PLET1: variants seen among roughly 807,000 people sequenced by gnomAD.
PLET1 encodes the protein placenta-expressed transcript 1 protein.
PLET1 carries 20 observed loss-of-function variants against 18.5 expected under a neutral mutation model. The observed-to-expected ratio is 1.08, with a 90% CI of 0.76 to 1.57. The LOEUF is 1.57. Ranked by LOEUF, PLET1 falls within the 40% of genes most tolerant of loss-of-function variation. PLET1 has a pLI of 0.00. For missense variants in PLET1, 256 were observed against 246.4 expected (o/e 1.04, Z -0.26); for synonymous variants, 93 against 93.8 (o/e 0.99, Z 0.05).
chr11:112,251,312 G>T (rs984000496), intron 3 of PLET1, among the ~76,000 whole-genome samples: 3 of 151,920 alleles, frequency 2.0e-5, no homozygotes, highest in Admixed American at 6.6e-5. Flanking sequence ...GGCTGGGCGT[G>T]GTGGCTCACG....
chr11:112,252,823 C>T (rs955533626), intron 2 of PLET1, among the ~76,000 whole-genome samples: 2 of 152,218 alleles, frequency 1.3e-5, no homozygotes, highest in Non-Finnish European at 2.9e-5. Context: ...CTAGGAGCCT[C>T]TGTCCCCATG....
chr11:112,250,481 A>G (rs1049698685), intron 3 of PLET1, among the ~76,000 whole-genome samples: 1 of 152,262 alleles, frequency 6.6e-6, no homozygotes, highest in Non-Finnish European at 1.5e-5. Context: ...CAAGATAATT[A>G]TAGTTACGCT....
In PLET1 at chr11:112,248,232, TG is replaced by T. The variant is rs1188722351; in HGVS notation, c.*566del. ...TTTATAACATAGTTTTTTTCTATAT[TG>T]GCTTCTCAGACATGGTTCGTTCCTG... is the stretch of plus-strand genomic sequence containing the variant. On this transcript the variant is annotated 3_prime_UTR_variant, in exon 4 of 4. Transcript: ENST00000338832. Among the ~76,000 whole-genome samples, 1 of 152,234 alleles carries T rather than the reference TG, an allele frequency of 6.6e-6. No homozygotes were observed. The highest frequency in any genetic ancestry group is 1.5e-5 in the Non-Finnish European group (1 of 68,040).
intron 1 of PLET1, among the ~76,000 whole-genome samples, chr11:112,257,594 C>G (rs1326632571): frequency 6.6e-6 from 1 of 151,952 alleles, no homozygotes; most frequent in South Asian, 2.1e-4. Context: ...AATCACATCC[C>G]TCTTGCCCAT....
intron 3 of PLET1, among the ~76,000 whole-genome samples, chr11:112,250,701 A>G (rs1860147007): frequency 6.6e-6 from 1 of 152,166 alleles, no homozygotes; most frequent in Admixed American, 6.6e-5. Context: ...AGTAGCTTTC[A>G]GTAAACTATC....
Position 112,254,521 on chromosome 11 carries a change from T to G in PLET1, c.386+867A>C, listed in dbSNP as rs531217828. ...GCATGAGTGTGTGTGGTGTGTGTGG[T>G]ATGTATGTGTGTGGTATGTGTGTGT... On this transcript the variant is annotated intron_variant, in intron 2 of 3. Coordinates refer to ENST00000338832, the MANE Select transcript of PLET1 (RefSeq NM_001145024.1). Among the ~76,000 whole-genome samples, 1,335 of 134,282 alleles carry G rather than the reference T, an allele frequency of 9.9e-3. 9 individuals carry two copies. Among genetic ancestry groups the G allele is most frequent in the Middle Eastern group, 0.04 (8 of 202 alleles). 88.1% of individuals were successfully genotyped at this position (134,282 alleles called of 152,430 possible). A position where few individuals can be genotyped will look rare whatever the true frequency, so the allele number is the denominator to read the frequency against.
At chr11:112,258,083 A>C (rs1341271528) in intron 1 of PLET1, among the ~76,000 whole-genome samples, 1 of 152,134 alleles carries the variant, frequency 6.6e-6, no homozygotes, top group Admixed American at 6.5e-5. Context: ...GGTACATGGC[A>C]TAAGTAGGCA....
rs1252524927 is a variant in PLET1, at chr11:112,248,370, C to T, written c.*429G>A. On this transcript the variant is annotated 3_prime_UTR_variant, in exon 4 of 4. Transcript: ENST00000338832. ...TTGAGTCACATGAGTCACAGAAGTTCCTTGTAACCTGAATGGGTTTGGTTA... is the reference window on the plus strand; with the variant it reads ...TTGAGTCACATGAGTCACAGAAGTTTCTTGTAACCTGAATGGGTTTGGTTA... 9 of 387,462 alleles carry T rather than the reference C, an allele frequency of 2.3e-5. No homozygotes were observed. Among genetic ancestry groups the T allele is most frequent in the Non-Finnish European group, 4.1e-5 (9 of 219,894 alleles). 24.0% of individuals were successfully genotyped at this position (387,462 alleles called of 1,614,324 possible).
At chr11:112,251,310 G>A (rs1005672850) in intron 3 of PLET1, among the ~76,000 whole-genome samples, 4 of 151,472 alleles carry the variant, frequency 2.6e-5, no homozygotes, top group Non-Finnish European at 4.4e-5. Context: ...TAGGCTGGGC[G>A]TGGTGGCTCA....
intron 1 of PLET1, among the ~76,000 whole-genome samples, chr11:112,258,667 T>G (rs1330005059): frequency 8.5e-5 from 13 of 152,228 alleles, no homozygotes; most frequent in Non-Finnish European, 1.8e-4. Context: ...TCGTGATCTC[T>G]TTTGCAGTGG....
intron 1 of PLET1, among the ~76,000 whole-genome samples, chr11:112,259,944 A>T (rs1329681876): frequency 6.6e-6 from 1 of 152,170 alleles, no homozygotes; most frequent in African/African-American, 2.4e-5. Context: ...AGGCTGAGGT[A>T]CAAGAATTGC....
At position 112,248,674 on chromosome 11, in the gene PLET1, C is replaced by G; in HGVS notation, c.*125G>C. On this transcript the variant is annotated 3_prime_UTR_variant, in exon 4 of 4. Coordinates refer to ENST00000338832, the MANE Select transcript of PLET1 (RefSeq NM_001145024.1). ...TCTTTGTTTTGGTCTGAAGCCGTGG[C>G]AGCAAAGTTGCACATTTGAGAATGT... 1 of 1,147,706 alleles carries G rather than the reference C, an allele frequency of 8.7e-7. No homozygotes were observed. Among genetic ancestry groups the G allele is most frequent in the South Asian group, 1.6e-5 (1 of 62,676 alleles). 71.1% of individuals were successfully genotyped at this position (1,147,706 alleles called of 1,614,324 possible).
rs201634866 is a variant in PLET1, at chr11:112,255,562, T to C, written c.212A>G (p.Tyr71Cys). 5.2e-6 allele frequency: 8 copies of C among 1,551,348 alleles called. No homozygotes were observed. Among genetic ancestry groups the C allele is most frequent in the Middle Eastern group, 3.4e-4 (2 of 5,854 alleles). ...SVFVPVNDSV[Y>C]AVVMKTLDEN... The stretch of plus-strand genomic sequence containing the variant: ...GTCCAAGGTTTTCATGACCACAGCA[T>C]AGACGCTGTCATTCACGGGAACAAA... The change falls in exon 2 of 4, where the codon TAT becomes TGT. Residue 71 changes from tyrosine (Y) to cysteine (C), a missense_variant. Transcript: ENST00000338832.
intron 2 of PLET1, among the ~76,000 whole-genome samples, chr11:112,252,771 A>C (rs938582162): frequency 2.6e-5 from 4 of 151,974 alleles, no homozygotes; most frequent in African/African-American, 9.7e-5. Context: ...GTTTCTCCCT[A>C]TTGTCACTAA....
intron 1 of PLET1, among the ~76,000 whole-genome samples, chr11:112,257,205 C>CCTTT (rs1860232736): frequency 6.6e-6 from 1 of 152,170 alleles, no homozygotes; most frequent in East Asian, 1.9e-4. Flanking sequence ...GGGCAGCCAG[C>CCTTT]CTTTCCCTTT....
chr11:112,260,181 G>A, intron 1 of PLET1: 1 of 490,918 alleles, frequency 2.0e-6, no homozygotes, highest in Non-Finnish European at 3.6e-6. Flanking sequence ...TCTGGGGTTG[G>A]GGCTTTCTCG....
Position 112,255,523 on chromosome 11 carries a change from G to A in PLET1, c.251C>T (p.Ser84Leu). The A allele has an allele frequency of 6.4e-7, 1 of 1,551,664 alleles. No individual in the cohort carries two copies. Among genetic ancestry groups the A allele is most frequent in the Non-Finnish European group, 8.7e-7 (1 of 1,146,882 alleles). The stretch of plus-strand genomic sequence containing the variant: ...ATCCGCTCTTTGCCAGAGGCCCGCT[G>A]AGTCACTGTTCTCGTCCAAGGTTTT... Reference protein sequence around the residue: ...VMKTLDENSDSAGLWQRADKN... With the variant: ...VMKTLDENSDLAGLWQRADKN... The change falls in exon 2 of 4, where the codon TCA becomes TTA. Residue 84 changes from serine to leucine, a missense_variant. Coordinates refer to ENST00000338832, the MANE Select transcript of PLET1 (RefSeq NM_001145024.1).
At chr11:112,255,365 A>G in intron 2 of PLET1, 23 bp downstream of exon 2, 1 of 1,551,024 alleles carries the variant, frequency 6.4e-7, no homozygotes. Flanking sequence ...TAAAGCCCAA[A>G]GCAAAGCAAG....
rs1374394838 is a variant in PLET1, at chr11:112,260,389, G to A, written c.184+17C>T. 9 of 1,545,018 alleles carry A rather than the reference G, an allele frequency of 5.8e-6. No homozygotes were observed. Among genetic ancestry groups the A allele is most frequent in the South Asian group, 3.6e-5 (3 of 83,544 alleles). On this transcript the variant is annotated intron_variant, in intron 1 of 3. Transcript: ENST00000338832. ...CTCAGGGAACAAAGGACAGCAGAGA[G>A]CATGGCTTCTACTCACCAGAATAGA... is the stretch of plus-strand genomic sequence containing the variant.
Sources: allele counts gnomAD v4.1 joint callset (sites outside exome capture counted in the v4.1 genomes callset), GRCh38; gene constraint gnomAD v4.1.1; transcripts MANE v1.5; gene names NCBI Gene and HGNC (gene_info 2026-07-23, HGNC 2026-07-21).